POP1: variants seen among roughly 807,000 people sequenced by gnomAD.
POP1 encodes the protein ribonucleases P/MRP protein subunit POP1.
Under a neutral mutation model 102.2 loss-of-function variants are expected in POP1, and 75 were observed. The ratio of observed to expected loss-of-function variants is 0.73; its 90% CI spans 0.61 to 0.89. The LOEUF is 0.89. Ranked by LOEUF, POP1 falls within the 40% of genes least tolerant of loss-of-function variation. POP1 has a pLI of 0.00. For synonymous variants in POP1, 436 were observed against 464.1 expected (o/e 0.94, Z 0.78); for missense variants, 1,116 against 1,267.4 (o/e 0.88, Z 1.81).
At chr8:98,138,967 C>T (rs1816630653) in intron 9 of POP1, among the ~76,000 whole-genome samples, 1 of 151,766 alleles carries the variant, frequency 6.6e-6, no homozygotes, top group East Asian at 1.9e-4. Flanking sequence ...ATTCTCATAC[C>T]TCAGCCTCCC....
At chr8:98,117,495 C>T (rs985629718) in intron 1 of POP1, 105 bp downstream of exon 1, 12 of 242,134 alleles carry the variant, frequency 5.0e-5, no homozygotes, top group Non-Finnish European at 8.3e-5. Flanking sequence ...GTTTCTCTCT[C>T]AGACTCCGCT....
rs539650704 is a variant in POP1 at position 98,158,542 on chromosome 8, A to G, written c.*271A>G. 1.5e-5 allele frequency: 6 copies of G among 388,532 alleles called. No individual in the cohort carries two copies. Among genetic ancestry groups the G allele is most frequent in the Admixed American group, 1.3e-4 (3 of 23,654 alleles). The allele number at this position is 388,532 out of a possible 1,614,324, so 24.1% of individuals were successfully genotyped here. On this transcript the variant is annotated 3_prime_UTR_variant, in exon 16 of 16. Transcript: ENST00000401707. Reference sequence around the variant, plus strand: ...CTCTTGGTCTGTGTAGTTGTGGCTGAAAATAATGAGAAGCTCTACGAGTTA... The same window carrying G: ...CTCTTGGTCTGTGTAGTTGTGGCTGGAAATAATGAGAAGCTCTACGAGTTA...
intron 12 of POP1, among the ~76,000 whole-genome samples, chr8:98,147,984 A>G (rs1809400350): frequency 6.6e-6 from 1 of 152,160 alleles, no homozygotes; most frequent in South Asian, 2.1e-4. Context: ...CAGCTAGGTG[A>G]GGAATATAGG....
In POP1 at chr8:98,130,168, C is replaced by T. The variant is rs1212463794; in HGVS notation, c.677C>T (p.Pro226Leu). ...TGGGGCTACTGCCTTGGGGAGAGGC[C>T]AACAGTCAAGAGCCACAGAGCCTGC... ...KKWGYCLGER[P>L]TVKSHRACYR... is the part of the protein sequence containing the mutation. Residue 226 changes from proline (P) to leucine (L), a missense_variant, in exon 5 of 16, where the codon CCA becomes CTA. Physicochemically the swap from Pro to Leu is moderately conservative, Grantham distance 98. Transcript: ENST00000401707. 6.2e-7 allele frequency: 1 copy of T among 1,614,104 alleles called. No homozygotes were observed. Among genetic ancestry groups the T allele is most frequent in the Admixed American group, 1.7e-5 (1 of 60,006 alleles).
intron 11 of POP1, 94 bp downstream of exon 11, chr8:98,140,982 A>G (rs1816687887): frequency 6.9e-7 from 1 of 1,456,638 alleles, no homozygotes; most frequent in South Asian, 1.1e-5. Context: ...CTCTCCAGTA[A>G]CTTCATCTGT....
At chr8:98,123,220 G>T in intron 1 of POP1, 116 bp from the exon 2 acceptor site, 1 of 1,212,818 alleles carries the variant, frequency 8.2e-7, no homozygotes, top group East Asian at 2.6e-5. Context: ...TACTAATAGG[G>T]TCTCTTCCAT....
intron 2 of POP1, among the ~76,000 whole-genome samples, chr8:98,126,002 T>G (rs1816193189): frequency 6.6e-6 from 1 of 151,898 alleles, no homozygotes; most frequent in South Asian, 2.1e-4. Flanking sequence ...TGTGCCATTA[T>G]GCCCAGCAAA....
chr8:98,127,627 A>G lies in POP1; in HGVS notation c.175A>G (p.Thr59Ala). Residue 59 changes from threonine to alanine, a missense_variant, in exon 3 of 16, where the codon ACC (threonine) becomes GCC (alanine). By Grantham distance (58) the Thr-to-Ala change is moderately conservative. Transcript: ENST00000401707. ...PHPGTSRQRQTRVNPHSLPDP... is the reference protein window; with the variant it reads ...PHPGTSRQRQARVNPHSLPDP... ...TCCTGGAACTTCACGACAGCGGCAA[A>G]CCAGAGTCAACCCCCATTCTCTGCC... is the stretch of plus-strand genomic sequence containing the variant. 1 of 1,614,198 alleles carries G rather than the reference A, an allele frequency of 6.2e-7. No individual in the cohort carries two copies. Among genetic ancestry groups the G allele is most frequent in the Non-Finnish European group, 8.5e-7 (1 of 1,180,032 alleles).
intron 11 of POP1, among the ~76,000 whole-genome samples, chr8:98,142,553 A>C (rs1426756104): frequency 6.6e-6 from 1 of 152,226 alleles, no homozygotes; most frequent in African/African-American, 2.4e-5. Context: ...TGAGATTTAA[A>C]AATATAGTTT....
intron 12 of POP1, among the ~76,000 whole-genome samples, chr8:98,147,245 C>T (rs1383131120): frequency 1.3e-5 from 2 of 152,148 alleles, no homozygotes; most frequent in Non-Finnish European, 2.9e-5. Flanking sequence ...AGGCCAGCCT[C>T]CTGATGGAAG....
rs192827276 is a variant in POP1 at position 98,121,723 on chromosome 8, C to G, written c.-2-1613C>G. 6.5e-3 allele frequency among the ~76,000 whole-genome samples: 985 copies of G among 150,868 alleles called. 8 individuals are homozygous for G. The highest frequency in any genetic ancestry group is 0.023 in the African/African-American group (931 of 41,020). On this transcript the variant is annotated intron_variant, in intron 1 of 15. Transcript: ENST00000401707. Reference sequence around the variant, plus strand: ...TTTGAGATGGAGTCTTGCTCTGTTGCCCAGGCTGGAGTGCAGTGGCACGAT... The same window carrying G: ...TTTGAGATGGAGTCTTGCTCTGTTGGCCAGGCTGGAGTGCAGTGGCACGAT...
intron 14 of POP1, among the ~76,000 whole-genome samples, chr8:98,155,743 G>A (rs1242793724): frequency 2.7e-5 from 4 of 148,558 alleles, no homozygotes; most frequent in Non-Finnish European, 5.9e-5. Flanking sequence ...ACCATGCCCG[G>A]CTAATTTTTG....
At chr8:98,142,899 C>T (rs1816745330) in intron 11 of POP1, among the ~76,000 whole-genome samples, 1 of 152,150 alleles carries the variant, frequency 6.6e-6, no homozygotes, top group Non-Finnish European at 1.5e-5. Context: ...CTCTGCTTCC[C>T]CTGGGCCCTT....
rs138395316 is a variant in POP1 at position 98,150,554 on chromosome 8, A to G, written c.1972A>G (p.Asn658Asp). The G allele has an allele frequency of 5.0e-6, 8 of 1,614,074 alleles. No individual in the cohort carries two copies. Among genetic ancestry groups the G allele is most frequent in the Middle Eastern group, 1.6e-4 (1 of 6,062 alleles). ...AVHSQYKRSP[N>D]VPGDFPDCPA... The stretch of plus-strand genomic sequence containing the variant: ...GCATTCTCAGTATAAGAGGTCGCCT[A>G]ATGTCCCAGGCGATTTTCCAGACTG... Residue 658 changes from asparagine (N) to aspartate (D), a missense_variant, in exon 14 of 16, where the codon AAT becomes GAT. By Grantham distance (23) the Asn-to-Asp change is conservative. Coordinates refer to ENST00000401707, the MANE Select transcript of POP1 (RefSeq NM_001145860.2).
At position 98,156,033 on chromosome 8, in the gene POP1, T is replaced by G. The variant is rs1450135352; in HGVS notation, c.2058-17T>G. On this transcript the variant is annotated splice_polypyrimidine_tract_variant and intron_variant, in intron 14 of 15. Coordinates refer to ENST00000401707, the MANE Select transcript of POP1 (RefSeq NM_001145860.2). ...CTAAATTGTTCAACATTGGTTCTCC[T>G]GTATGTTTTTCTTTAGACGCCCTCC... 1 of 1,612,622 alleles carries G rather than the reference T, an allele frequency of 6.2e-7. No homozygotes were observed. The highest frequency in any genetic ancestry group is 1.7e-5 in the Admixed American group (1 of 59,998).
At chr8:98,153,099 A>C (rs901022347) in intron 14 of POP1, among the ~76,000 whole-genome samples, 1 of 152,152 alleles carries the variant, frequency 6.6e-6, no homozygotes, top group Admixed American at 6.5e-5. Context: ...CTTCCTGAGT[A>C]GCTGGGACTG....
At chr8:98,138,912 G>A (rs1461293436) in intron 9 of POP1, among the ~76,000 whole-genome samples, 5 of 150,338 alleles carry the variant, frequency 3.3e-5, no homozygotes, top group Admixed American at 2.7e-4. Context: ...GAGTGCAGTG[G>A]CACAATCTCA....
In POP1 at chr8:98,157,697, G is replaced by T. The variant is rs867463772; in HGVS notation, c.2501G>T (p.Gly834Val). Residue 834 changes from glycine (G) to valine (V), a missense_variant, in exon 16 of 16, where the codon GGC (glycine) becomes GTC (valine). Gly to Val is a moderately radical substitution (Grantham distance 109). Coordinates refer to ENST00000401707, the MANE Select transcript of POP1 (RefSeq NM_001145860.2). The stretch of plus-strand genomic sequence containing the variant: ...AGTCGGGGAGGCCGGCGAGCTCCCG[G>T]CAGAGGCCAGCAAGGATTGACCAGA... ...EDSRGGRRAP[G>V]RGQQGLTREA... 4 of 1,614,226 alleles carry T rather than the reference G, an allele frequency of 2.5e-6. No individual in the cohort carries two copies. The highest frequency in any genetic ancestry group is 3.4e-6 in the Non-Finnish European group (4 of 1,180,044).
intron 9 of POP1, among the ~76,000 whole-genome samples, chr8:98,139,302 T>C (rs188755458): frequency 7.7e-4 from 118 of 152,346 alleles, no homozygotes; most frequent in African/African-American, 2.7e-3. Context: ...GGAAAAAATA[T>C]ACATTTCTAG....
Sources: allele counts gnomAD v4.1 joint callset (sites outside exome capture counted in the v4.1 genomes callset), GRCh38; gene constraint gnomAD v4.1.1; transcripts MANE v1.5; gene names NCBI Gene and HGNC (gene_info 2026-07-23, HGNC 2026-07-21).